The following ANKRD6 variants were observed in gnomAD, a reference collection of about 807,000 sequenced individuals.
The protein encoded by ANKRD6 is ankyrin repeat domain 6.
ANKRD6 carries 56 observed loss-of-function variants against 82.3 expected under a neutral mutation model. The ratio of observed to expected loss-of-function variants is 0.68; its 90% confidence interval spans 0.55 to 0.85. The LOEUF (loss-of-function observed/expected upper bound fraction) is 0.85, where lower values mean the gene tolerates loss of function less well. Ranked by LOEUF, ANKRD6 falls within the 40% of genes least tolerant of loss-of-function variation. The pLI, the probability that ANKRD6 is intolerant of heterozygous loss-of-function variation, is 0.00. For missense variants in ANKRD6, 852 were observed against 907.6 expected (o/e 0.94, Z 0.79); for synonymous variants, 347 against 352.1 (o/e 0.99, Z 0.16).
chr6:89,476,554 A>G (rs925827953), intron 1 of ANKRD6, among the ~76,000 whole-genome samples: 2 of 152,180 alleles, frequency 1.3e-5, no homozygotes, highest in Non-Finnish European at 2.9e-5. Flanking sequence ...CATCATGGCT[A>G]TTTAAAAGCT....
At chr6:89,492,894 T>G (rs1778176200) in intron 1 of ANKRD6, among the ~76,000 whole-genome samples, 1 of 152,256 alleles carries the variant, frequency 6.6e-6, no homozygotes, top group South Asian at 2.1e-4. Context: ...GAAAGTCTTG[T>G]GTCTTTTCAG....
chr6:89,596,798 A>G (rs1180086314), intron 3 of ANKRD6, among the ~76,000 whole-genome samples: 1 of 152,248 alleles, frequency 6.6e-6, no homozygotes, highest in African/African-American at 2.4e-5. Flanking sequence ...TTGTCCTCCA[A>G]CAGCTATTAG....
At chr6:89,503,618 AAAC>A (rs1779500306) in intron 1 of ANKRD6, among the ~76,000 whole-genome samples, 1 of 152,256 alleles carries the variant, frequency 6.6e-6, no homozygotes, top group Non-Finnish European at 1.5e-5. Flanking sequence ...GGCTTGAACA[AAAC>A]AAGTTCTATT....
At chr6:89,500,695 GA>G (rs1166824818) in intron 1 of ANKRD6, among the ~76,000 whole-genome samples, 1 of 152,138 alleles carries the variant, frequency 6.6e-6, no homozygotes, top group East Asian at 1.9e-4. Context: ...TGTGGGATGG[GA>G]AAGCACTTTG....
chr6:89,587,187 T>A, intron 2 of ANKRD6, among the ~76,000 whole-genome samples: 1 of 119,174 alleles, frequency 8.4e-6, no homozygotes, highest in African/African-American at 3.5e-5. Flanking sequence ...TGAAACTCCG[T>A]CTCAAAAAAA....
chr6:89,545,261 A>G (rs1400781615), intron 1 of ANKRD6, among the ~76,000 whole-genome samples: 2 of 151,444 alleles, frequency 1.3e-5, no homozygotes, highest in Non-Finnish European at 2.9e-5. Flanking sequence ...CTACTGGCCC[A>G]GAAAGTTCGG....
intron 6 of ANKRD6, among the ~76,000 whole-genome samples, chr6:89,613,102 A>G (rs575121156): frequency 1.3e-5 from 2 of 152,276 alleles, no homozygotes; most frequent in South Asian, 2.1e-4. Context: ...GCAAGAAAAC[A>G]CTGCAGGCAG....
intron 1 of ANKRD6, among the ~76,000 whole-genome samples, chr6:89,481,660 G>A (rs191999724): frequency 4.5e-4 from 69 of 152,288 alleles, no homozygotes; most frequent in Middle Eastern, 6.8e-3. Context: ...AATAGTGATC[G>A]TGGTAGTGGC....
chr6:89,574,337 T>A (rs1247411667), intron 2 of ANKRD6, among the ~76,000 whole-genome samples: 5 of 152,166 alleles, frequency 3.3e-5, no homozygotes, highest in Non-Finnish European at 7.4e-5. Flanking sequence ...CTCTGGACAC[T>A]GACAGACATC....
chr6:89,469,355 C>G (rs1157126089), intron 1 of ANKRD6, among the ~76,000 whole-genome samples: 1 of 152,124 alleles, frequency 6.6e-6, no homozygotes. Flanking sequence ...GCCTCCATGT[C>G]AAATCCTTTC....
chr6:89,538,367 A>G (rs930527995), intron 1 of ANKRD6, among the ~76,000 whole-genome samples: 2 of 152,184 alleles, frequency 1.3e-5, no homozygotes, highest in African/African-American at 2.4e-5. Context: ...ACTTACAGCA[A>G]TTTGACATTG....
rs1807519757 is a variant in ANKRD6, at chr6:89,632,136, C to T, written c.*1132C>T. Reference sequence around the variant, plus strand: ...GGATTTATATTCATCTCCTCAATATCCCATGTATGCACAGAAACTTCAGTT... The same window carrying T: ...GGATTTATATTCATCTCCTCAATATTCCATGTATGCACAGAAACTTCAGTT... On this transcript the variant is annotated 3_prime_UTR_variant, in exon 16 of 16. Transcript: ENST00000339746. The T allele has an allele frequency of 6.6e-6, 1 of 152,140 alleles. No individual in the cohort carries two copies. The highest frequency in any genetic ancestry group is 1.5e-5 in the Non-Finnish European group (1 of 68,030). The allele number at this position is 152,140 out of a possible 1,614,324, so 9.4% of individuals were successfully genotyped here. A position where few individuals can be genotyped will look rare whatever the true frequency, so the allele number is the denominator to read the frequency against.
Position 89,499,210 on chromosome 6 carries a change from A to G in ANKRD6, c.-144+65835A>G, listed in dbSNP as rs532621769. Among the ~76,000 whole-genome samples the G allele has an allele frequency of 7.9e-5, 12 of 152,326 alleles. No individual in the cohort carries two copies. The South Asian group carries it at 2.3e-3, about 29-fold the overall frequency. ...ATGAGGTGACATAAGGATAAAAGCC[A>G]TCACATTAAGGCTGGCAAAATTTAG... On this transcript the variant is annotated intron_variant, in intron 1 of 15. Coordinates refer to ENST00000339746, the MANE Select transcript of ANKRD6 (RefSeq NM_001242809.2).
rs143452564 is a variant in ANKRD6, at chr6:89,436,576, A to G, written c.-144+3201A>G. Among the ~76,000 whole-genome samples the G allele has an allele frequency of 3.2e-3, 489 of 152,364 alleles. 2 individuals carry two copies. Among genetic ancestry groups the G allele is most frequent in the Non-Finnish European group, 5.1e-3 (349 of 68,042 alleles). On this transcript the variant is annotated intron_variant, in intron 1 of 15. Coordinates refer to ENST00000339746, the MANE Select transcript of ANKRD6 (RefSeq NM_001242809.2). ...AAATAAGTTAGTCACAGAAGGGACA[A>G]TATTGTATGATTCTGTTTATATTAG... is the stretch of plus-strand genomic sequence containing the variant.
chr6:89,469,496 A>G (rs1277946170), intron 1 of ANKRD6, among the ~76,000 whole-genome samples: 3 of 152,162 alleles, frequency 2.0e-5, no homozygotes, highest in African/African-American at 4.8e-5. Flanking sequence ...CCTTTTTACC[A>G]TAAGCCCCAG....
chr6:89,462,821 G>C (rs550004373), intron 1 of ANKRD6, among the ~76,000 whole-genome samples: 2 of 149,912 alleles, frequency 1.3e-5, no homozygotes, highest in Non-Finnish European at 3.0e-5. Flanking sequence ...TTGTAGAAAA[G>C]TACACGAGTA....
At chr6:89,553,382 G>A (rs1463923815) in intron 1 of ANKRD6, among the ~76,000 whole-genome samples, 1 of 152,180 alleles carries the variant, frequency 6.6e-6, no homozygotes, top group South Asian at 2.1e-4. Context: ...CCAGCCCTGG[G>A]AGAAGGCCTC....
chr6:89,560,676 G>T (rs1400698735), intron 1 of ANKRD6, among the ~76,000 whole-genome samples: 1 of 152,064 alleles, frequency 6.6e-6, no homozygotes, highest in Non-Finnish European at 1.5e-5. Flanking sequence ...TACAAAAATT[G>T]GCCGGGCATC....
intron 1 of ANKRD6, among the ~76,000 whole-genome samples, chr6:89,434,369 A>G (rs1001250083): frequency 2.6e-5 from 4 of 152,216 alleles, no homozygotes; most frequent in Non-Finnish European, 2.9e-5. Context: ...AGGCCAGTGT[A>G]AGTGGAAAGA....
Sources: allele counts gnomAD v4.1 joint callset (sites outside exome capture counted in the v4.1 genomes callset), GRCh38; gene constraint gnomAD v4.1.1; transcripts MANE v1.5; gene names NCBI Gene and HGNC (gene_info 2026-07-23, HGNC 2026-07-21).